CHD9: variants seen among roughly 807,000 people sequenced by gnomAD.
CHD9 encodes ATP-dependent chromatin remodeler CHD9.
Under a neutral mutation model 316.1 loss-of-function variants are expected in CHD9, and 77 were observed. The observed-to-expected ratio is 0.24, with a 90% confidence interval of 0.20 to 0.29. The LOEUF is 0.29. CHD9 is among the 10% of genes least tolerant of loss of function. The pLI is 1.00. For synonymous variants in CHD9, 1,129 were observed against 1,158.3 expected, an observed-to-expected ratio of 0.97 and a Z score of 0.51; for missense variants, 2,763 against 3,438.1, an observed-to-expected ratio of 0.80 and a Z score of 4.91.
chr16:53,167,667 T>C (rs918267135), intron 2 of CHD9, among the ~76,000 whole-genome samples: 9 of 152,150 alleles, frequency 5.9e-5, no homozygotes, highest in Admixed American at 5.9e-4. Context: ...ATTCTTCAAA[T>C]ACATATTATA....
chr16:53,134,663 T>G (rs1295297706), intron 1 of CHD9, among the ~76,000 whole-genome samples: 1 of 152,232 alleles, frequency 6.6e-6, no homozygotes, highest in Non-Finnish European at 1.5e-5. Context: ...CTGTATTGTC[T>G]TTAAGCTTTC....
At chr16:53,301,633 T>A (rs915966777) in intron 30 of CHD9, among the ~76,000 whole-genome samples, 6 of 152,192 alleles carry the variant, frequency 3.9e-5, no homozygotes, top group Non-Finnish European at 7.4e-5. Context: ...CTGCTCCATA[T>A]TGATTTTTGC....
At chr16:53,257,066 G>A (rs1480708714) in intron 19 of CHD9, among the ~76,000 whole-genome samples, 1 of 152,160 alleles carries the variant, frequency 6.6e-6, no homozygotes, top group African/African-American at 2.4e-5. Context: ...TCTGAATAAA[G>A]AAAGCCTTTG....
intron 36 of CHD9, among the ~76,000 whole-genome samples, chr16:53,317,783 G>A (rs1372408971): frequency 6.6e-6 from 1 of 152,158 alleles, no homozygotes; most frequent in Non-Finnish European, 1.5e-5. Flanking sequence ...GCCAGGCGTG[G>A]TGGCTCACAT....
At chr16:53,250,323 G>A (rs1567560039) in intron 17 of CHD9, 1 of 377,132 alleles carries the variant, frequency 2.7e-6, no homozygotes. Context: ...ACCTAATTGA[G>A]TACAGTACTT....
intron 1 of CHD9, among the ~76,000 whole-genome samples, chr16:53,125,955 G>A (rs1463925864): frequency 6.6e-6 from 1 of 152,144 alleles, no homozygotes; most frequent in Non-Finnish European, 1.5e-5. Flanking sequence ...GTCTTTCTTT[G>A]CACTTTCTTA....
chr16:53,287,481 A>G lies in CHD9; in HGVS notation c.5190-476A>G, dbSNP rs572034505. Among the ~76,000 whole-genome samples the G allele has an allele frequency of 4.7e-4, 71 of 152,362 alleles. 2 individuals are homozygous for G. The South Asian group carries it at 0.013, about 28-fold the overall frequency. On this transcript the variant is annotated intron_variant, in intron 26 of 38. Transcript: ENST00000447540. Reference sequence around the variant, plus strand: ...ACTTGCTCACGCCTGTAATCCCAGCACTTTGGGAGGCCAAGGCAGGTGGAT... The same window carrying G: ...ACTTGCTCACGCCTGTAATCCCAGCGCTTTGGGAGGCCAAGGCAGGTGGAT...
Position 53,255,682 on chromosome 16 carries a change from G to C in CHD9, c.4112G>C (p.Gly1371Ala). Residue 1371 changes from glycine to alanine, a missense_variant, in exon 19 of 39, where the codon GGC (glycine) becomes GCC (alanine). Physicochemically the swap from Gly to Ala is moderately conservative, Grantham distance 60. Coordinates refer to ENST00000447540, the MANE Select transcript of CHD9 (RefSeq NM_001308319.2). ...GCTATTATGGAGGAAGAAGATGAAG[G>C]CTCTAAATTCTGCGAAGAGGATATC... Reference protein sequence around the residue: ...YGAIMEEEDEGSKFCEEDIDQ... With the variant: ...YGAIMEEEDEASKFCEEDIDQ... 6.2e-7 allele frequency: 1 copy of C among 1,613,830 alleles called. No individual in the cohort carries two copies. Among genetic ancestry groups the C allele is most frequent in the South Asian group, 1.1e-5 (1 of 91,086 alleles).
intron 2 of CHD9, among the ~76,000 whole-genome samples, chr16:53,161,703 G>A (rs186902739): frequency 8.0e-4 from 121 of 152,200 alleles, no homozygotes; most frequent in Admixed American, 1.8e-3. Flanking sequence ...ATTCTAGAAC[G>A]CTTTAGTGAG....
chr16:53,270,609 G>A (rs373375377), intron 22 of CHD9, among the ~76,000 whole-genome samples: 1 of 151,970 alleles, frequency 6.6e-6, no homozygotes, highest in African/African-American at 2.4e-5. Flanking sequence ...TATTGAATGT[G>A]GATAATGGGA....
At chr16:53,161,543 A>C (rs1358604234) in intron 2 of CHD9, among the ~76,000 whole-genome samples, 7 of 152,204 alleles carry the variant, frequency 4.6e-5, no homozygotes, top group Non-Finnish European at 5.9e-5. Context: ...ACATCACTAC[A>C]TGTGTATAAA....
Position 53,096,601 on chromosome 16 carries a change from G to A in CHD9, c.-165+41524G>A, listed in dbSNP as rs148973544. 2.8e-3 allele frequency among the ~76,000 whole-genome samples: 426 copies of A among 152,268 alleles called. 2 individuals are homozygous for A. Among genetic ancestry groups the A allele is most frequent in the African/African-American group, 9.8e-3 (409 of 41,550 alleles). On this transcript the variant is annotated intron_variant, in intron 1 of 38. Coordinates refer to ENST00000447540, the MANE Select transcript of CHD9 (RefSeq NM_001308319.2). ...TAAATGATAGAGCCAGGATCTGAACGCTGGCATCTGACACCTAAGTCCTTA... is the reference window on the plus strand; with the variant it reads ...TAAATGATAGAGCCAGGATCTGAACACTGGCATCTGACACCTAAGTCCTTA...
chr16:53,086,237 A>C (rs895967447), intron 1 of CHD9, among the ~76,000 whole-genome samples: 1 of 152,198 alleles, frequency 6.6e-6, no homozygotes, highest in African/African-American at 2.4e-5. Context: ...GAAAAGGTCT[A>C]GAGTCTGCTG....
rs2050537199 is a variant in CHD9, at chr16:53,255,788, G to A, written c.4209+9G>A. The A allele has an allele frequency of 6.2e-7, 1 of 1,611,952 alleles. No homozygotes were observed. The highest frequency in any genetic ancestry group is 8.5e-7 in the Non-Finnish European group (1 of 1,178,412). On this transcript the variant is annotated intron_variant, in intron 19 of 38. Transcript: ENST00000447540. ...GGTCAACATTTGCCAAGGTAATAGT[G>A]GGTGCAATTTTATTAACATAGCAGT...
intron 1 of CHD9, chr16:53,130,799 C>G (rs1443707948): frequency 6.6e-6 from 1 of 151,842 alleles, no homozygotes; most frequent in African/African-American, 2.4e-5. Context: ...CAGCCCGACG[C>G]GGCTGGAGCC....
At chr16:53,259,594 C>T (rs917749907) in intron 19 of CHD9, among the ~76,000 whole-genome samples, 1 of 152,172 alleles carries the variant, frequency 6.6e-6, no homozygotes, top group Non-Finnish European at 1.5e-5. Flanking sequence ...TTCACTACAG[C>T]CTTGACTTCC....
At chr16:53,158,685 G>A (rs1197085672) in intron 2 of CHD9, among the ~76,000 whole-genome samples, 1 of 151,498 alleles carries the variant, frequency 6.6e-6, no homozygotes, top group Non-Finnish European at 1.5e-5. Context: ...CACCCAGTTT[G>A]AAGTGCAGTG....
chr16:53,089,605 AC>A (rs906701094), intron 1 of CHD9, among the ~76,000 whole-genome samples: 1 of 152,216 alleles, frequency 6.6e-6, no homozygotes, highest in African/African-American at 2.4e-5. Context: ...GGTAGTGTGG[AC>A]TGTGCTTAGA....
intron 17 of CHD9, among the ~76,000 whole-genome samples, chr16:53,253,863 A>G (rs751214928): frequency 7.2e-5 from 11 of 152,174 alleles, no homozygotes; most frequent in Non-Finnish European, 1.3e-4. Context: ...GCCTAAAAGT[A>G]TACTGACTAC....
Sources: allele counts gnomAD v4.1 joint callset (sites outside exome capture counted in the v4.1 genomes callset), GRCh38; gene constraint gnomAD v4.1.1; transcripts MANE v1.5; gene names NCBI Gene and HGNC (gene_info 2026-07-23, HGNC 2026-07-21).